The following RABGAP1L variants were observed in gnomAD, a reference collection of about 807,000 sequenced individuals.
The protein encoded by RABGAP1L is rab GTPase-activating protein 1-like.
A neutral mutation model predicts 137.7 loss-of-function variants in RABGAP1L; 63 were observed. The observed-to-expected ratio is 0.46, with a 90% CI of 0.37 to 0.56. The LOEUF (loss-of-function observed/expected upper bound fraction) is 0.56, where lower values mean the gene tolerates loss of function less well. Ranked by LOEUF, RABGAP1L falls within the 20% of genes least tolerant of loss-of-function variation. The probability of loss-of-function intolerance (pLI) is 0.00; values close to 1 mark genes in which losing one functional copy is unlikely to be tolerated. For missense variants in RABGAP1L, 1,095 were observed against 1,244.0 expected (o/e 0.88, Z 1.80); for synonymous variants, 431 against 433.7 (o/e 0.99, Z 0.08).
chr1:174,311,203 A>T (rs192753475), intron 11 of RABGAP1L, among the ~76,000 whole-genome samples: 169 of 152,296 alleles, frequency 1.1e-3, no homozygotes, highest in Middle Eastern at 3.4e-3. Context: ...GAAATTTACA[A>T]TCATGGCGGA....
At chr1:174,744,078 C>T (rs57864446) in intron 17 of RABGAP1L, among the ~76,000 whole-genome samples, 2 of 92,298 alleles carry the variant, frequency 2.2e-5, no homozygotes, top group Non-Finnish European at 3.8e-5. Flanking sequence ...CTATGTTGGT[C>T]TGTGAAATAC....
chr1:174,805,940 G>C (rs914167852), intron 18 of RABGAP1L, among the ~76,000 whole-genome samples: 4 of 152,188 alleles, frequency 2.6e-5, no homozygotes, highest in African/African-American at 9.7e-5. Flanking sequence ...TGTTGGGAAA[G>C]GAGTTGCATT....
chr1:174,542,715 A>T (rs957693362), intron 13 of RABGAP1L, among the ~76,000 whole-genome samples: 7 of 150,574 alleles, frequency 4.6e-5, no homozygotes, highest in African/African-American at 1.5e-4. Flanking sequence ...TTTCCTGTTT[A>T]CTCTTGTGGG....
intron 14 of RABGAP1L, among the ~76,000 whole-genome samples, chr1:174,678,223 T>A (rs1361983287): frequency 3.9e-5 from 6 of 152,172 alleles, no homozygotes; most frequent in African/African-American, 1.4e-4. Context: ...TAGCTCTATT[T>A]CCACTAAAGA....
intron 18 of RABGAP1L, among the ~76,000 whole-genome samples, chr1:174,777,795 G>A (rs1458753808): frequency 1.3e-5 from 2 of 152,076 alleles, no homozygotes; most frequent in Non-Finnish European, 2.9e-5. Flanking sequence ...CATTGCAGAA[G>A]AAAAGATTAG....
chr1:174,399,638 A>G (rs1360196479), intron 13 of RABGAP1L, among the ~76,000 whole-genome samples: 1 of 152,200 alleles, frequency 6.6e-6, no homozygotes, highest in African/African-American at 2.4e-5. Flanking sequence ...TGGGCAATTT[A>G]TAAAGGAAAG....
chr1:174,875,713 G>A (rs1278947038), intron 19 of RABGAP1L: 9 of 984,030 alleles, frequency 9.1e-6, no homozygotes, highest in Non-Finnish European at 9.7e-6. Flanking sequence ...GAGTTTAAAA[G>A]GTATGAACTG....
intron 17 of RABGAP1L, among the ~76,000 whole-genome samples, chr1:174,739,799 C>T (rs565805621): frequency 2.8e-4 from 42 of 152,172 alleles, no homozygotes; most frequent in Non-Finnish European, 5.3e-4. Context: ...GCCTATATGC[C>T]GGATTAATAT....
chr1:174,448,903 C>T lies in RABGAP1L; in HGVS notation c.1710+54758C>T, dbSNP rs1215217499. On this transcript the variant is annotated intron_variant, in intron 13 of 25. Coordinates refer to ENST00000681986, the MANE Select transcript of RABGAP1L (RefSeq NM_001366446.1). This position sits in a 1 kb window ranked among gnomAD's most constrained non-coding sequence, Gnocchi z 4.2. ...GACACAGCCCTGACCGTCGCTACGCCATGGTTTTGTTTAGGATAACCAGTG... is the reference window on the plus strand; with the variant it reads ...GACACAGCCCTGACCGTCGCTACGCTATGGTTTTGTTTAGGATAACCAGTG... The T allele has an allele frequency of 1.9e-6, 3 of 1,613,524 alleles. No individual in the cohort carries two copies. The highest frequency in any genetic ancestry group is 2.5e-6 in the Non-Finnish European group (3 of 1,179,580).
chr1:174,776,965 T>C (rs1217429026), intron 18 of RABGAP1L, among the ~76,000 whole-genome samples: 2 of 152,248 alleles, frequency 1.3e-5, no homozygotes, highest in Non-Finnish European at 2.9e-5. Context: ...ACAGGTATTA[T>C]AGGCACACAG....
intron 14 of RABGAP1L, among the ~76,000 whole-genome samples, chr1:174,670,880 A>G (rs1677127843): frequency 6.6e-6 from 1 of 152,056 alleles, no homozygotes; most frequent in Non-Finnish European, 1.5e-5. Flanking sequence ...TCTTCAATAT[A>G]CTCATTTCCT....
At chr1:174,407,915 TG>T (rs1649463570) in intron 13 of RABGAP1L, among the ~76,000 whole-genome samples, 2 of 152,144 alleles carry the variant, frequency 1.3e-5, no homozygotes, top group South Asian at 4.1e-4. Context: ...ACTGCTCACA[TG>T]GAGATGATTA....
chr1:174,352,755 G>T (rs1337095826), intron 11 of RABGAP1L, among the ~76,000 whole-genome samples: 1 of 152,190 alleles, frequency 6.6e-6, no homozygotes, highest in Non-Finnish European at 1.5e-5. Context: ...ATTGAGTGTT[G>T]TGAGTTAAGT....
At chr1:174,790,929 A>G (rs1687809176) in intron 18 of RABGAP1L, among the ~76,000 whole-genome samples, 1 of 151,666 alleles carries the variant, frequency 6.6e-6, no homozygotes, top group African/African-American at 2.4e-5. Flanking sequence ...GGTGGCTTAC[A>G]CCTGTAATCC....
chr1:174,464,140 T>G (rs1026414512), intron 13 of RABGAP1L, among the ~76,000 whole-genome samples: 1 of 152,172 alleles, frequency 6.6e-6, no homozygotes, highest in Non-Finnish European at 1.5e-5. Context: ...TTGGGACATA[T>G]CTTGCAGAGA....
intron 19 of RABGAP1L, among the ~76,000 whole-genome samples, chr1:174,931,815 G>A (rs1663838723): frequency 6.6e-6 from 1 of 151,982 alleles, no homozygotes; most frequent in African/African-American, 2.4e-5. Context: ...ATTACTTCCT[G>A]TTTGAACCTA....
In RABGAP1L at chr1:174,251,338, T is replaced by C. The variant is rs558947896; in HGVS notation, c.875+706T>C. On this transcript the variant is annotated intron_variant, in intron 6 of 25. Coordinates refer to ENST00000681986, the MANE Select transcript of RABGAP1L (RefSeq NM_001366446.1). ...TTTAACAGTAACTGATAATATATGG[T>C]TTGACCACCACTTAATTAACCATTT... 4.6e-5 allele frequency among the ~76,000 whole-genome samples: 7 copies of C among 152,196 alleles called. No individual in the cohort carries two copies. In the East Asian group the frequency reaches 1.4e-3, roughly 29 times the overall value.
chr1:174,734,058 A>G (rs1016589854), intron 17 of RABGAP1L, among the ~76,000 whole-genome samples: 1 of 152,248 alleles, frequency 6.6e-6, no homozygotes. Flanking sequence ...TTATGCAACT[A>G]GAGGAATGCA....
chr1:174,573,291 A>ATG (rs759920496), intron 13 of RABGAP1L, among the ~76,000 whole-genome samples: 5 of 150,154 alleles, frequency 3.3e-5, no homozygotes, highest in Non-Finnish European at 7.4e-5. Context: ...GTTTATATGT[A>ATG]TGTGTGTATA....
Sources: allele counts gnomAD v4.1 joint callset (sites outside exome capture counted in the v4.1 genomes callset), GRCh38; gene constraint gnomAD v4.1.1; non-coding constraint Gnocchi (gnomAD v3.1); transcripts MANE v1.5; gene names NCBI Gene and HGNC (gene_info 2026-07-23, HGNC 2026-07-21).